The following ANK2 variants were observed in gnomAD, a reference collection of about 807,000 sequenced individuals.
ANK2 encodes the protein ankyrin 2, also known as ankyrin-2.
In ANK2, 83 loss-of-function variants were observed where a neutral mutation model predicts 360.5. That is an observed-to-expected ratio of 0.23 (90% CI 0.19 to 0.28). The LOEUF is 0.28. Ranked by LOEUF, ANK2 falls within the 10% of genes least tolerant of loss-of-function variation. ANK2 has a pLI of 1.00. For missense variants in ANK2, 4,201 were observed against 4,795.7 expected (o/e 0.88, Z 3.66); for synonymous variants, 1,740 against 1,759.5 (o/e 0.99, Z 0.28).
At chr4:113,083,315 G>A (rs941275621) in intron 1 of ANK2, among the ~76,000 whole-genome samples, 1 of 152,116 alleles carries the variant, frequency 6.6e-6, no homozygotes, top group Non-Finnish European at 1.5e-5. Flanking sequence ...GAGTAGCTGG[G>A]ATTACAGGTG....
intron 1 of ANK2, among the ~76,000 whole-genome samples, chr4:113,131,916 CA>C (rs2096063185): frequency 6.6e-6 from 1 of 152,162 alleles, no homozygotes; most frequent in Non-Finnish European, 1.5e-5. Flanking sequence ...AATGTATAGA[CA>C]AAAGGATTAA....
chr4:112,997,213 T>TTA (rs1234299125), intron 2 of ANK2, among the ~76,000 whole-genome samples: 1 of 152,154 alleles, frequency 6.6e-6, no homozygotes, highest in Non-Finnish European at 1.5e-5. Context: ...ATCAAGCTAA[T>TTA]TAACACATGT....
intron 2 of ANK2, among the ~76,000 whole-genome samples, chr4:112,956,857 GGGT>G (rs1298354153): frequency 2.0e-5 from 3 of 152,082 alleles, no homozygotes; most frequent in African/African-American, 7.2e-5. Flanking sequence ...AGAATGAAGT[GGGT>G]AAAGATGTTA....
intron 2 of ANK2, among the ~76,000 whole-genome samples, chr4:112,986,691 A>G (rs536912346): frequency 6.6e-6 from 1 of 152,296 alleles, no homozygotes; most frequent in African/African-American, 2.4e-5. Flanking sequence ...ACTTCATAGG[A>G]GTTTCACTAC....
At position 113,336,684 on chromosome 4, in the gene ANK2, T is replaced by A. The variant is rs369892989; in HGVS notation, c.3699T>A (p.Ile1233=). 3 of 1,614,110 alleles carry A rather than the reference T, an allele frequency of 1.9e-6. No homozygotes were observed. The highest frequency in any genetic ancestry group is 2.5e-6 in the Non-Finnish European group (3 of 1,179,998). Residue 1233 remains isoleucine (I), a synonymous_variant, in exon 31 of 46, where the codon ATT becomes ATA. Transcript: ENST00000357077. ...GAAGAAGAAAATTCCACAAACCAAT[T>A]ACCATGACCATTCCTGTCCCCAAAG... ...EPRRRKFHKP[I]TMTIPVPKAS...
chr4:113,088,062 G>C (rs1182500458), intron 1 of ANK2, among the ~76,000 whole-genome samples: 1 of 152,014 alleles, frequency 6.6e-6, no homozygotes, highest in Non-Finnish European at 1.5e-5. Flanking sequence ...AGAAAAGCCT[G>C]GTTTTTTTTA....
the ANK2 span, among the ~76,000 whole-genome samples, chr4:112,732,400 T>C: frequency 6.6e-6 from 1 of 151,944 alleles, no homozygotes; most frequent in Non-Finnish European, 1.5e-5. Flanking sequence ...TACATTACCA[T>C]ACCCAGCTAT....
intron 2 of ANK2, among the ~76,000 whole-genome samples, chr4:113,035,653 A>T (rs2061431589): frequency 1.3e-5 from 2 of 151,886 alleles, no homozygotes; most frequent in Non-Finnish European, 2.9e-5. Flanking sequence ...AAGACTAAAA[A>T]TTTTTTTATG....
intron 7 of ANK2, among the ~76,000 whole-genome samples, chr4:113,238,055 C>G (rs1430626738): frequency 1.3e-5 from 2 of 151,494 alleles, no homozygotes; most frequent in Non-Finnish European, 2.9e-5. Context: ...TCTGTATGCT[C>G]TTTTTCTTTA....
Position 113,007,547 on chromosome 4 carries a change from A to G in ANK2, c.21+103033A>G, listed in dbSNP as rs529279021. 2.5e-3 allele frequency among the ~76,000 whole-genome samples: 376 copies of G among 152,334 alleles called. 2 individuals are homozygous for G. Among genetic ancestry groups the G allele is most frequent in the Middle Eastern group, 0.017 (5 of 294 alleles). ...ATCTCAGAAGAAAACTATTACTTAC[A>G]GAAGAGAAAGGGCTCTTGAAAGACT... On this transcript the variant is annotated intron_variant, in intron 2 of 30. Coordinates refer to the ANK2 transcript ENST00000503271.
intron 1 of ANK2, among the ~76,000 whole-genome samples, chr4:112,877,107 AG>A (rs2075339338): frequency 6.6e-6 from 1 of 152,132 alleles, no homozygotes; most frequent in Admixed American, 6.5e-5. Flanking sequence ...TTCAGGGATT[AG>A]GTGTTCACCT....
intron 4 of ANK2, among the ~76,000 whole-genome samples, chr4:113,207,110 C>T (rs1038764633): frequency 2.0e-5 from 3 of 147,806 alleles, no homozygotes; most frequent in African/African-American, 5.0e-5. Flanking sequence ...AGCGTGCACA[C>T]GCACACACAC....
chr4:112,951,731 C>A (rs931425891), intron 2 of ANK2, among the ~76,000 whole-genome samples: 1 of 152,136 alleles, frequency 6.6e-6, no homozygotes, highest in African/African-American at 2.4e-5. Context: ...CATTCATAAA[C>A]TTCTAATAAG....
At chr4:113,004,838 C>T (rs1011281939) in intron 2 of ANK2, among the ~76,000 whole-genome samples, 11 of 152,142 alleles carry the variant, frequency 7.2e-5, no homozygotes, top group Admixed American at 6.5e-4. Context: ...TGTGACATCA[C>T]GAGGTGATAG....
chr4:112,961,923 T>C (rs930802480), intron 2 of ANK2, among the ~76,000 whole-genome samples: 1 of 152,184 alleles, frequency 6.6e-6, no homozygotes, highest in African/African-American at 2.4e-5. Context: ...TTGATTTGTT[T>C]AATTTGTTTG....
rs1415726564 is a variant in ANK2 at position 113,356,024 on chromosome 4, T to C, written c.7406T>C (p.Leu2469Pro). ...AAAGAATCCCCTTGCCGTGACTCTC[T>C]GGAAAGCAGCCCTGTTGAACCAAAG... ...PLKESPCRDS[L>P]ESSPVEPKMK... Residue 2469 changes from leucine to proline, a missense_variant, in exon 38 of 46, where the codon CTG becomes CCG. This residue lies in a region of ANK2 where 2,642 missense variants were observed against 2,714.5 expected (regional missense o/e 0.97). Transcript: ENST00000357077. The C allele has an allele frequency of 2.5e-6, 4 of 1,614,008 alleles. No individual in the cohort carries two copies. The highest frequency in any genetic ancestry group is 3.4e-6 in the Non-Finnish European group (4 of 1,179,982).
chr4:112,902,266 G>A (rs28522515), intron 1 of ANK2, among the ~76,000 whole-genome samples: 2,286 of 152,340 alleles, frequency 0.015, 56 homozygotes, highest in African/African-American at 0.052. Flanking sequence ...GCAGTCTCTT[G>A]AAATTGGGAC....
intron 43 of ANK2, among the ~76,000 whole-genome samples, chr4:113,372,162 C>G (rs1327521406): frequency 6.6e-6 from 1 of 152,116 alleles, no homozygotes; most frequent in African/African-American, 2.4e-5. Context: ...GTGTCAGTGG[C>G]TCATAAGTGT....
chr4:112,847,503 T>G (rs1437274042), intron 1 of ANK2, among the ~76,000 whole-genome samples: 1 of 152,160 alleles, frequency 6.6e-6, no homozygotes, highest in Admixed American at 6.6e-5. Context: ...TTCAGAAGCC[T>G]CCTAACTGGT....
Sources: allele counts gnomAD v4.1 joint callset (sites outside exome capture counted in the v4.1 genomes callset), GRCh38; gene constraint gnomAD v4.1.1; regional missense constraint gnomAD v4.1.1; transcripts MANE v1.5; gene names NCBI Gene and HGNC (gene_info 2026-07-23, HGNC 2026-07-21).